Variants in BRI3 observed in about 807,000 individuals in gnomAD.
BRI3 encodes the protein brain protein I3, also known as membrane protein BRI3.
Under a neutral mutation model 12.8 loss-of-function variants are expected in BRI3, and 6 were observed. That is an observed-to-expected ratio of 0.47 (90% CI 0.26 to 0.93). The LOEUF is 0.93. Among genes scored for constraint, BRI3 ranks in the 40% least tolerant of loss-of-function variants. The pLI is 0.15. For missense variants in BRI3, 134 were observed against 171.1 expected (o/e 0.78, Z 1.21); for synonymous variants, 91 against 76.1 (o/e 1.20, Z -1.02).
downstream of BRI3, chr7:98,292,381 G>GT (rs1800002240): frequency 2.2e-6 from 1 of 457,208 alleles, no homozygotes; most frequent in African/African-American, 2.0e-5. Flanking sequence ...TCTAATTTTT[G>GT]TATTTTTAGT....
intron 2 of BRI3, among the ~76,000 whole-genome samples, chr7:98,284,548 C>T (rs1399220575): frequency 6.6e-6 from 1 of 152,216 alleles, no homozygotes; most frequent in African/African-American, 2.4e-5. Context: ...GGCGTCTTGG[C>T]CCGGGAGACA....
exon 1 of BRI3, chr7:98,306,601 G>A: frequency 6.3e-7 from 1 of 1,594,564 alleles, no homozygotes; most frequent in Non-Finnish European, 8.6e-7. Flanking sequence ...AGAGCTCAGG[G>A]CAGACAGGTC....
chr7:98,304,849 C>T (rs948107990), upstream of BRI3, among the ~76,000 whole-genome samples: 1 of 150,268 alleles, frequency 6.7e-6, no homozygotes, highest in Non-Finnish European at 1.5e-5. Flanking sequence ...GGTTTCTAAA[C>T]ATATCCTCAC....
At chr7:98,288,961 CTTTT>C (rs1229881276) in intron 2 of BRI3, among the ~76,000 whole-genome samples, 1 of 151,826 alleles carries the variant, frequency 6.6e-6, no homozygotes, top group South Asian at 2.1e-4. Flanking sequence ...AAGTTTTTTT[CTTTT>C]TTCTTTTTTT....
At chr7:98,302,931 T>G (rs965341070), upstream of BRI3, among the ~76,000 whole-genome samples, 1 of 152,112 alleles carries the variant, frequency 6.6e-6, no homozygotes, top group Admixed American at 6.6e-5. Flanking sequence ...ACTACAGACA[T>G]GTGCCACCGT....
At chr7:98,292,334 G>A (rs1349659656), downstream of BRI3, 1 of 359,966 alleles carries the variant, frequency 2.8e-6, no homozygotes, top group Non-Finnish European at 5.2e-6. Context: ...TGATTCTCCT[G>A]CCTCAGCCTC....
chr7:98,289,039 C>T (rs935594198), intron 2 of BRI3, among the ~76,000 whole-genome samples: 2 of 152,126 alleles, frequency 1.3e-5, no homozygotes, highest in African/African-American at 4.8e-5. Flanking sequence ...CAGCTCACTG[C>T]AACCTCTGCC....
chr7:98,298,592 GAC>G (rs1360216791), intron 1 of BRI3, among the ~76,000 whole-genome samples: 6 of 152,048 alleles, frequency 3.9e-5, no homozygotes, highest in Non-Finnish European at 7.4e-5. Context: ...CAGCCTGGGT[GAC>G]AGAGCAAGAC....
At chr7:98,313,434 T>C (rs1014188515), downstream of BRI3, among the ~76,000 whole-genome samples, 4 of 152,038 alleles carry the variant, frequency 2.6e-5, no homozygotes, top group Non-Finnish European at 4.4e-5. Flanking sequence ...GGTGGGGATA[T>C]CACGCAGGAA....
intron 2 of BRI3, among the ~76,000 whole-genome samples, chr7:98,286,971 C>T (rs998880280): frequency 6.6e-6 from 1 of 152,202 alleles, no homozygotes; most frequent in Non-Finnish European, 1.5e-5. Context: ...GTAGGGAATG[C>T]TGCCCACCCT....
chr7:98,287,676 T>C (rs1799755132), intron 2 of BRI3, among the ~76,000 whole-genome samples: 1 of 152,178 alleles, frequency 6.6e-6, no homozygotes, highest in Non-Finnish European at 1.5e-5. Flanking sequence ...AGGTGGGTTT[T>C]GGGTCTGGAT....
At chr7:98,281,986 C>G (rs1295117887) in intron 1 of BRI3, 49 bp downstream of exon 1, 1 of 1,290,738 alleles carries the variant, frequency 7.7e-7, no homozygotes, top group Non-Finnish European at 9.8e-7. Context: ...AGGTGGCAAG[C>G]CCGGTCGGGG....
chr7:98,309,643 G>A (rs933151089), exon 2 of BRI3: 2 of 152,178 alleles, frequency 1.3e-5, no homozygotes, highest in African/African-American at 4.8e-5. Context: ...GGAAAACTCT[G>A]TTCTTTTGCC....
downstream of BRI3, among the ~76,000 whole-genome samples, chr7:98,312,946 C>G (rs943598791): frequency 3.9e-5 from 6 of 152,194 alleles, no homozygotes. Context: ...TTCCAGTGAG[C>G]ACCTTTTCTG....
chr7:98,320,217 T>C, the BRI3 span: 11 of 1,599,440 alleles, frequency 6.9e-6, no homozygotes, highest in Middle Eastern at 1.7e-4. Flanking sequence ...ATTTTGTAAA[T>C]AGAAACACAG....
exon 2 of BRI3, chr7:98,307,794 C>T (rs1317978876): frequency 1.2e-6 from 2 of 1,614,250 alleles, no homozygotes; most frequent in Admixed American, 1.7e-5. Context: ...CTTGTTGGAG[C>T]CCGCAGTGTG....
downstream of BRI3, chr7:98,293,580 C>T: frequency 6.2e-7 from 1 of 1,613,778 alleles, no homozygotes; most frequent in Non-Finnish European, 8.5e-7. Context: ...TTCACAGTGG[C>T]AAAGGGGTTT....
the BRI3 span, among the ~76,000 whole-genome samples, chr7:98,322,107 A>G: frequency 5.6e-4 from 85 of 152,222 alleles, 1 homozygote; most frequent in African/African-American, 2.0e-3. Context: ...CCGCCCCCCA[A>G]AAAAGGAATT....
Position 98,291,120 on chromosome 7 carries a change from G to A in BRI3, c.255G>A (p.Val85=), listed in dbSNP as rs774390971. 7 of 1,614,068 alleles carry A rather than the reference G, an allele frequency of 4.3e-6. No homozygotes were observed. In the African/African-American group the frequency reaches 6.7e-5, roughly 15 times the overall value. The stretch of plus-strand genomic sequence containing the variant: ...CCCGTCTCTGCTGCAGGGTTGGGGT[G>A]CTGGAGGACTGCTTCACCTTCCTGG... The part of the protein sequence containing the change: ...VGGCPVCRVG[V]LEDCFTFLGI... Residue 85 remains valine (V), a synonymous_variant, in exon 3 of 3, where the codon GTG becomes GTA. Coordinates refer to ENST00000297290, the MANE Select transcript of BRI3 (RefSeq NM_015379.5).
Sources: allele counts gnomAD v4.1 joint callset (sites outside exome capture counted in the v4.1 genomes callset), GRCh38; gene constraint gnomAD v4.1.1; transcripts MANE v1.5; gene names NCBI Gene and HGNC (gene_info 2026-07-23, HGNC 2026-07-21).